Variants in PRR11 observed in about 807,000 individuals in gnomAD.
PRR11 encodes the protein proline-rich protein 11.
Under a neutral mutation model 45.6 loss-of-function variants are expected in PRR11, and 30 were observed. The ratio of observed to expected loss-of-function variants is 0.66; its 90% CI spans 0.49 to 0.89. The LOEUF is 0.89. Among genes scored for constraint, PRR11 ranks in the 40% least tolerant of loss-of-function variants. The pLI is 0.00. For synonymous variants in PRR11, 128 were observed against 153.5 expected (o/e 0.83, Z 1.23); for missense variants, 373 against 424.8 (o/e 0.88, Z 1.07).
At chr17:59,181,296 A>T (rs1369580652) in intron 2 of PRR11, among the ~76,000 whole-genome samples, 1 of 151,546 alleles carries the variant, frequency 6.6e-6, no homozygotes, top group African/African-American at 2.4e-5. Flanking sequence ...CCCAAAACCA[A>T]GCTTTCTTAT....
chr17:59,187,094 A>G (rs575850062), intron 4 of PRR11, among the ~76,000 whole-genome samples: 1 of 152,206 alleles, frequency 6.6e-6, no homozygotes, highest in Non-Finnish European at 1.5e-5. Context: ...GGAGGCCAAA[A>G]CAGGCAGATC....
At chr17:59,174,699 A>G (rs568022891) in intron 2 of PRR11, among the ~76,000 whole-genome samples, 21 of 152,280 alleles carry the variant, frequency 1.4e-4, no homozygotes, top group African/African-American at 3.4e-4. Flanking sequence ...ATAGACCCCA[A>G]TATTCTGCCT....
intron 5 of PRR11, 116 bp from the exon 6 acceptor site, chr17:59,194,641 C>T: frequency 1.5e-6 from 1 of 646,764 alleles, no homozygotes; most frequent in African/African-American, 1.9e-5. Flanking sequence ...TGACAGGTTC[C>T]TAGGGTAGAT....
chr17:59,187,173 C>T (rs1162151129), intron 4 of PRR11, among the ~76,000 whole-genome samples: 4 of 152,028 alleles, frequency 2.6e-5, no homozygotes, highest in Non-Finnish European at 1.5e-5. Context: ...CGTGCTGCTG[C>T]ACTCCAGCCT....
intron 4 of PRR11, among the ~76,000 whole-genome samples, chr17:59,187,202 G>A (rs945634411): frequency 2.6e-5 from 4 of 151,546 alleles, no homozygotes; most frequent in Non-Finnish European, 4.4e-5. Flanking sequence ...GAGCTAGACT[G>A]TCTCAAAAAT....
intron 4 of PRR11, among the ~76,000 whole-genome samples, chr17:59,187,821 C>T (rs144509023): frequency 4.7e-4 from 70 of 148,974 alleles, no homozygotes; most frequent in African/African-American, 1.6e-3. Context: ...GCCGAGATCA[C>T]GCCACTGCAC....
At chr17:59,185,347 A>G (rs1318061812) in intron 3 of PRR11, 93 bp from the exon 4 acceptor site, 1 of 1,531,124 alleles carries the variant, frequency 6.5e-7, no homozygotes, top group Non-Finnish European at 8.8e-7. Context: ...CTTTGCTTCT[A>G]TAAAAACATA....
chr17:59,201,058 T>C (rs555010130), intron 9 of PRR11, among the ~76,000 whole-genome samples: 2 of 152,276 alleles, frequency 1.3e-5, no homozygotes, highest in Admixed American at 1.3e-4. Context: ...ACCCAGCCAG[T>C]GTACACTGTT....
At chr17:59,171,722 A>C (rs747963619) in intron 2 of PRR11, among the ~76,000 whole-genome samples, 13 of 152,094 alleles carry the variant, frequency 8.5e-5, no homozygotes, top group Non-Finnish European at 1.6e-4. Context: ...CATGTTAAAA[A>C]TTACAACTGA....
At chr17:59,194,531 A>G (rs1303811618) in intron 5 of PRR11, among the ~76,000 whole-genome samples, 1 of 152,154 alleles carries the variant, frequency 6.6e-6, no homozygotes, top group Non-Finnish European at 1.5e-5. Flanking sequence ...GTCTTAGCTT[A>G]TAAAAACAAA....
chr17:59,170,266 A>G (rs536679147), intron 2 of PRR11, among the ~76,000 whole-genome samples: 2 of 152,182 alleles, frequency 1.3e-5, no homozygotes, highest in East Asian at 3.9e-4. Context: ...AAAAAAAAAG[A>G]AGGCCCAGTT....
At chr17:59,186,118 T>TATTGTTTG (rs1555717040) in intron 4 of PRR11, among the ~76,000 whole-genome samples, 1 of 152,014 alleles carries the variant, frequency 6.6e-6, no homozygotes, top group African/African-American at 2.4e-5. Context: ...GTGGGAAGAT[T>TATTGTTTG]TTTGTTTGTT....
chr17:59,189,140 A>G (rs904557346), intron 4 of PRR11, among the ~76,000 whole-genome samples: 4 of 151,420 alleles, frequency 2.6e-5, no homozygotes, highest in Non-Finnish European at 4.4e-5. Context: ...CTCTACTAAA[A>G]AACACAAAAA....
intron 2 of PRR11, chr17:59,181,878 T>A (rs2046788938): frequency 7.4e-7 from 1 of 1,346,520 alleles, no homozygotes; most frequent in African/African-American, 1.5e-5. Context: ...CCAAGCCATC[T>A]TTCTGGCTTT....
chr17:59,184,967 C>A, intron 2 of PRR11, 87 bp from the exon 3 acceptor site: 1 of 1,221,254 alleles, frequency 8.2e-7, no homozygotes, highest in South Asian at 1.4e-5. Context: ...AAAGTGCTAG[C>A]AGTAGAGGCA....
intron 2 of PRR11, among the ~76,000 whole-genome samples, chr17:59,175,442 T>C (rs184113067): frequency 4.6e-5 from 7 of 152,134 alleles, no homozygotes; most frequent in Admixed American, 2.6e-4. Context: ...CTGGGCAACA[T>C]AGCAAGACCC....
chr17:59,194,491 A>G (rs2046855504), intron 5 of PRR11, among the ~76,000 whole-genome samples: 1 of 152,164 alleles, frequency 6.6e-6, no homozygotes. Context: ...ATATTGCAGG[A>G]AACTAGTCCA....
At chr17:59,168,899 C>T (rs552649791) in intron 1 of PRR11, among the ~76,000 whole-genome samples, 5 of 151,954 alleles carry the variant, frequency 3.3e-5, no homozygotes, top group South Asian at 4.2e-4. Flanking sequence ...TCTGTAAAAA[C>T]GGGAATAAAA....
chr17:59,175,801 C>T (rs556260014), intron 2 of PRR11, among the ~76,000 whole-genome samples: 14 of 151,948 alleles, frequency 9.2e-5, no homozygotes, highest in Non-Finnish European at 1.6e-4. Context: ...AAAGCTAATC[C>T]GGAGGCTGAG....
Sources: allele counts gnomAD v4.1 joint callset (sites outside exome capture counted in the v4.1 genomes callset), GRCh38; gene constraint gnomAD v4.1.1; transcripts MANE v1.5; gene names NCBI Gene and HGNC (gene_info 2026-07-23, HGNC 2026-07-21).